ARHGAP6: variants seen among roughly 807,000 people sequenced by gnomAD.
ARHGAP6 encodes the protein rho GTPase-activating protein 6.
In ARHGAP6, 16 loss-of-function variants were observed where a neutral mutation model predicts 55.7. That is an observed-to-expected ratio of 0.29 (90% CI 0.19 to 0.44). ARHGAP6 has a LOEUF of 0.44. Among genes scored for constraint, ARHGAP6 ranks in the 20% least tolerant of loss-of-function variants. The pLI is 1.00. For missense variants in ARHGAP6, 698 were observed against 808.9 expected (o/e 0.86, Z 1.66); for synonymous variants, 382 against 360.9 (o/e 1.06, Z -0.66).
chrX:11,354,967 T>C lies in ARHGAP6; in HGVS notation c.589-100260A>G, dbSNP rs772949887. On this transcript the variant is annotated intron_variant, in intron 1 of 12. Coordinates refer to ENST00000337414, the MANE Select transcript of ARHGAP6 (RefSeq NM_013427.3). Reference sequence around the variant, plus strand: ...TGTAATTTATATATAATAATTTAATTAGATTAAAAGGTTAGGATGATACTT... The same window carrying C: ...TGTAATTTATATATAATAATTTAATCAGATTAAAAGGTTAGGATGATACTT... Among the ~76,000 whole-genome samples, 10 of 111,708 alleles carry C rather than the reference T, an allele frequency of 9.0e-5. No individual in the cohort carries two copies. In the South Asian group the frequency reaches 3.7e-3, roughly 42 times the overall value.
intron 1 of ARHGAP6, among the ~76,000 whole-genome samples, chrX:11,333,227 A>G (rs771332729): frequency 1.5e-4 from 17 of 112,062 alleles, no homozygotes; most frequent in Middle Eastern, 4.6e-3. Flanking sequence ...TATAGTTCCC[A>G]TAATCCCCAC....
intron 1 of ARHGAP6, among the ~76,000 whole-genome samples, chrX:11,444,758 T>C (rs1275413419): frequency 9.7e-6 from 1 of 103,574 alleles, no homozygotes; most frequent in East Asian, 3.2e-4. Context: ...CTGGAGACTT[T>C]TGCATACTTA....
At chrX:11,625,288 T>A (rs949646856) in intron 1 of ARHGAP6, among the ~76,000 whole-genome samples, 6 of 96,057 alleles carry the variant, frequency 6.2e-5, no homozygotes, top group African/African-American at 1.8e-4. Context: ...AAATGTGGAG[T>A]GTGTGTGTGT....
chrX:11,236,481 T>C (rs1041311923), intron 2 of ARHGAP6, among the ~76,000 whole-genome samples: 49 of 111,465 alleles, frequency 4.4e-4, no homozygotes, highest in Non-Finnish European at 7.9e-4. Context: ...GTGGAGGAAA[T>C]GTGGTGCCTA....
intron 2 of ARHGAP6, 62 bp downstream of exon 2, chrX:11,254,486 C>T: frequency 1.7e-6 from 2 of 1,166,732 alleles, no homozygotes; most frequent in Non-Finnish European, 2.3e-6. Context: ...CAGCTCACGG[C>T]TTTGGCAGAG....
intron 1 of ARHGAP6, among the ~76,000 whole-genome samples, chrX:11,422,704 G>A (rs766113430): frequency 8.9e-6 from 1 of 112,209 alleles, no homozygotes; most frequent in East Asian, 2.8e-4. Context: ...GTGGTCCAGG[G>A]TTATCACAAT....
chrX:11,377,296 A>T (rs149428276), intron 1 of ARHGAP6, among the ~76,000 whole-genome samples: 13 of 112,698 alleles, frequency 1.2e-4, no homozygotes, highest in African/African-American at 4.2e-4. Flanking sequence ...GAAAGAAGCC[A>T]GTCACAAAGG....
At chrX:11,295,418 C>A (rs1046063501) in intron 1 of ARHGAP6, among the ~76,000 whole-genome samples, 2 of 111,093 alleles carry the variant, frequency 1.8e-5, no homozygotes, top group African/African-American at 6.6e-5. Flanking sequence ...TGCCCGGGAT[C>A]CTGCCTACAC....
chrX:11,208,759 G>A (rs1034160488), intron 2 of ARHGAP6, among the ~76,000 whole-genome samples: 1 of 111,961 alleles, frequency 8.9e-6, no homozygotes, highest in African/African-American at 3.3e-5. Context: ...CATGCAGACA[G>A]TCTGCCATGA....
rs764413476 is a variant in ARHGAP6, at chrX:11,341,130, C to G, written c.589-86423G>C. Reference sequence around the variant, plus strand: ...CACAATTGTGATGTTGGCTACACAACTTTATGTATTTGTCAAAACTGATAG... The same window carrying G: ...CACAATTGTGATGTTGGCTACACAAGTTTATGTATTTGTCAAAACTGATAG... On this transcript the variant is annotated intron_variant, in intron 1 of 12. Coordinates refer to ENST00000337414, the MANE Select transcript of ARHGAP6 (RefSeq NM_013427.3). Among the ~76,000 whole-genome samples the G allele has an allele frequency of 6.3e-5, 7 of 111,223 alleles. No homozygotes were observed. In the Admixed American group the frequency reaches 6.7e-4, roughly 11 times the overall value.
intron 1 of ARHGAP6, among the ~76,000 whole-genome samples, chrX:11,564,868 C>G (rs1204218546): frequency 8.9e-6 from 1 of 111,935 alleles, no homozygotes; most frequent in Non-Finnish European, 1.9e-5. Context: ...CCCTACAGGA[C>G]TGGCTGGATG....
rs749665309 is a variant in ARHGAP6, at chrX:11,491,783, C to T, written c.588+172458G>A. 1.6e-4 allele frequency among the ~76,000 whole-genome samples: 18 copies of T among 110,352 alleles called. No homozygotes were observed. In the East Asian group the frequency reaches 2.0e-3, roughly 13 times the overall value. On this transcript the variant is annotated intron_variant, in intron 1 of 12. Coordinates refer to ENST00000337414, the MANE Select transcript of ARHGAP6 (RefSeq NM_013427.3). ...TTCTAGTTCTAGATCCCTGAGGAAT[C>T]GCCACACTGACTTCCACAAGGGTTG...
chrX:11,488,610 C>T (rs2050534895), intron 1 of ARHGAP6, among the ~76,000 whole-genome samples: 1 of 110,884 alleles, frequency 9.0e-6, no homozygotes, highest in South Asian at 3.9e-4. Flanking sequence ...GGAACCGGGC[C>T]ACACAGCAGG....
chrX:11,496,686 T>G (rs1463064507), intron 1 of ARHGAP6, among the ~76,000 whole-genome samples: 3 of 112,516 alleles, frequency 2.7e-5, no homozygotes, highest in African/African-American at 9.7e-5. Flanking sequence ...GACCCAAGTC[T>G]TCATTTTTTT....
At chrX:11,378,324 C>G (rs1036440634) in intron 1 of ARHGAP6, among the ~76,000 whole-genome samples, 1 of 112,517 alleles carries the variant, frequency 8.9e-6, no homozygotes, top group Non-Finnish European at 1.9e-5. Flanking sequence ...CACCATAAAC[C>G]AGTTTTAGAA....
intron 1 of ARHGAP6, among the ~76,000 whole-genome samples, chrX:11,275,100 T>C (rs778976175): frequency 1.8e-5 from 2 of 111,814 alleles, no homozygotes; most frequent in Non-Finnish European, 3.8e-5. Context: ...CCTGAGAAAC[T>C]TGTAATTAAA....
intron 1 of ARHGAP6, among the ~76,000 whole-genome samples, chrX:11,458,810 A>G (rs1301416597): frequency 9.4e-6 from 1 of 106,197 alleles, no homozygotes; most frequent in African/African-American, 3.5e-5. Context: ...ACATTCTAAT[A>G]AGGAGAGATA....
At chrX:11,593,680 G>C (rs1219485902) in intron 1 of ARHGAP6, among the ~76,000 whole-genome samples, 1 of 111,769 alleles carries the variant, frequency 8.9e-6, no homozygotes, top group Non-Finnish European at 1.9e-5. Flanking sequence ...CTGTTGCAGT[G>C]GGTGGACAGG....
At chrX:11,153,028 C>T (rs2045807168) in intron 10 of ARHGAP6, among the ~76,000 whole-genome samples, 1 of 111,610 alleles carries the variant, frequency 9.0e-6, no homozygotes, top group Non-Finnish European at 1.9e-5. Flanking sequence ...TTGGAGGCCT[C>T]CTCCAACAAG....
Sources: gnomAD v4.1 joint callset for allele counts (sites outside exome capture counted in the v4.1 genomes callset) on GRCh38, gnomAD v4.1.1 for gene constraint, MANE v1.5 for transcripts, NCBI Gene and HGNC (gene_info 2026-07-23, HGNC 2026-07-21) for gene names.